ALCAM: variants seen among roughly 807,000 people sequenced by gnomAD.
ALCAM encodes the protein CD166 antigen.
In ALCAM, 30 loss-of-function variants were observed where a neutral mutation model predicts 70.9. The ratio of observed to expected loss-of-function variants is 0.42; its 90% confidence interval spans 0.32 to 0.57. ALCAM has a LOEUF of 0.57. Ranked by LOEUF, ALCAM falls within the 20% of genes least tolerant of loss-of-function variation. The pLI is 0.11. For missense variants in ALCAM, 591 were observed against 695.1 expected (o/e 0.85, Z 1.68); for synonymous variants, 249 against 242.5 (o/e 1.03, Z -0.25).
intron 1 of ALCAM, among the ~76,000 whole-genome samples, chr3:105,378,520 G>C (rs916167840): frequency 6.7e-6 from 1 of 149,568 alleles, no homozygotes; most frequent in East Asian, 2.0e-4. Context: ...ATGAATAACA[G>C]TTTTGATATC....
intron 7 of ALCAM, among the ~76,000 whole-genome samples, chr3:105,541,412 A>C (rs1940112845): frequency 6.6e-6 from 1 of 152,010 alleles, no homozygotes; most frequent in South Asian, 2.1e-4. Flanking sequence ...AAAAGTCATC[A>C]ATAGAAAATA....
At chr3:105,447,856 T>G (rs1392861082) in intron 1 of ALCAM, among the ~76,000 whole-genome samples, 1 of 152,126 alleles carries the variant, frequency 6.6e-6, no homozygotes, top group Non-Finnish European at 1.5e-5. Flanking sequence ...TTATTATCAA[T>G]AAACACATAA....
chr3:105,524,288 G>T lies in ALCAM; in HGVS notation c.175-1G>T, dbSNP rs1356323088. On this transcript the variant is annotated splice_acceptor_variant, in intron 2 of 15. Transcript: ENST00000306107. LOFTEE classifies it high-confidence loss of function. ...AAATGTATTATTATTTTAATTTTTA[G>T]GAAAAGCCCGATGGCTCCCCAGTAT... 6.2e-7 allele frequency: 1 copy of T among 1,609,598 alleles called. No individual in the cohort carries two copies. The highest frequency in any genetic ancestry group is 1.7e-4 in the Middle Eastern group (1 of 6,036).
intron 1 of ALCAM, among the ~76,000 whole-genome samples, chr3:105,379,465 G>A (rs548763777): frequency 6.6e-6 from 1 of 151,542 alleles, no homozygotes; most frequent in South Asian, 2.1e-4. Flanking sequence ...GCTTTAAAAT[G>A]TAATTTTCCA....
chr3:105,376,779 T>A (rs894574825), intron 1 of ALCAM, among the ~76,000 whole-genome samples: 17 of 152,166 alleles, frequency 1.1e-4, no homozygotes, highest in Non-Finnish European at 2.5e-4. Flanking sequence ...TGCTGAGGAA[T>A]AATCTAGCAA....
chr3:105,471,648 GT>G (rs143805557), intron 1 of ALCAM, among the ~76,000 whole-genome samples: 16,968 of 150,866 alleles, frequency 0.11, 1,124 homozygotes, highest in African/African-American at 0.17. Context: ...CGACTTTTTG[GT>G]TTTTTTCAAA....
intron 1 of ALCAM, among the ~76,000 whole-genome samples, chr3:105,409,339 A>C (rs1936329096): frequency 6.6e-6 from 1 of 152,024 alleles, no homozygotes; most frequent in South Asian, 2.1e-4. Context: ...TGTGACATAT[A>C]TATATATACA....
intron 3 of ALCAM, among the ~76,000 whole-genome samples, chr3:105,529,505 G>T (rs961515869): frequency 6.6e-6 from 1 of 152,062 alleles, no homozygotes. Flanking sequence ...TTACATTCAA[G>T]ATACATAGTT....
At chr3:105,545,385 A>G (rs2072718458) in intron 9 of ALCAM, 50 bp downstream of exon 9, 1 of 1,365,886 alleles carries the variant, frequency 7.3e-7, no homozygotes, top group Non-Finnish European at 1.0e-6. Context: ...ATTTCTTTTT[A>G]GGTTTCTTAT....
intron 1 of ALCAM, among the ~76,000 whole-genome samples, chr3:105,396,394 C>T (rs922479086): frequency 2.0e-5 from 3 of 151,800 alleles, no homozygotes; most frequent in African/African-American, 7.3e-5. Context: ...AAAGAAGGAT[C>T]AGACTCAAAG....
At chr3:105,383,718 T>G (rs1386423129) in intron 1 of ALCAM, among the ~76,000 whole-genome samples, 1 of 151,684 alleles carries the variant, frequency 6.6e-6, no homozygotes, top group Non-Finnish European at 1.5e-5. Context: ...CTTCTTGAGT[T>G]TCCATATTGA....
intron 1 of ALCAM, among the ~76,000 whole-genome samples, chr3:105,478,560 T>C (rs1005367935): frequency 1.3e-5 from 2 of 152,136 alleles, no homozygotes; most frequent in African/African-American, 4.8e-5. Context: ...AGTGCCATTC[T>C]CTTCTCCCAA....
chr3:105,443,886 G>A (rs1937235436), intron 1 of ALCAM, among the ~76,000 whole-genome samples: 1 of 151,022 alleles, frequency 6.6e-6, no homozygotes, highest in Non-Finnish European at 1.5e-5. Context: ...AATTTTAGAG[G>A]ACTGCTGTCA....
At chr3:105,497,032 ACT>A (rs1938764494) in intron 1 of ALCAM, among the ~76,000 whole-genome samples, 1 of 152,040 alleles carries the variant, frequency 6.6e-6, no homozygotes, top group Non-Finnish European at 1.5e-5. Context: ...AAACGTCTTT[ACT>A]CTATTTTTGA....
At chr3:105,550,404 T>C in intron 12 of ALCAM, 145 bp downstream of exon 12, 2 of 847,010 alleles carry the variant, frequency 2.4e-6, no homozygotes, top group East Asian at 2.9e-5. Context: ...CATCATAAGG[T>C]TATTTTTTCT....
intron 6 of ALCAM, among the ~76,000 whole-genome samples, chr3:105,537,881 A>T (rs1940012682): frequency 6.6e-6 from 1 of 152,198 alleles, no homozygotes; most frequent in Admixed American, 6.6e-5. Context: ...CAAACAAATG[A>T]ATAAATGAAG....
chr3:105,463,366 AT>A (rs1353226676), intron 1 of ALCAM, among the ~76,000 whole-genome samples: 2 of 151,332 alleles, frequency 1.3e-5, no homozygotes, highest in Non-Finnish European at 3.0e-5. Context: ...TCGCAAATGT[AT>A]TTCCTAATTT....
At chr3:105,474,902 C>T (rs1938059046) in intron 1 of ALCAM, among the ~76,000 whole-genome samples, 1 of 150,688 alleles carries the variant, frequency 6.6e-6, no homozygotes, top group Non-Finnish European at 1.5e-5. Flanking sequence ...TATTCAACTG[C>T]CAATTAAAGA....
chr3:105,478,064 T>A (rs1938169982), intron 1 of ALCAM, among the ~76,000 whole-genome samples: 2 of 152,220 alleles, frequency 1.3e-5, no homozygotes, highest in South Asian at 4.1e-4. Flanking sequence ...CATTCTCCCT[T>A]GATTTTTTCC....
Sources: gnomAD v4.1 joint callset for allele counts (sites outside exome capture counted in the v4.1 genomes callset) on GRCh38, gnomAD v4.1.1 for gene constraint, MANE v1.5 for transcripts, NCBI Gene and HGNC (gene_info 2026-07-23, HGNC 2026-07-21) for gene names.